The following MARCHF8 variants were observed in gnomAD, a reference collection of about 807,000 sequenced individuals.
MARCHF8 encodes membrane associated ring-CH-type finger 8.
A neutral mutation model predicts 51.6 loss-of-function variants in MARCHF8; 40 were observed. The ratio of observed to expected loss-of-function variants is 0.77; its 90% CI spans 0.60 to 1.01. MARCHF8 has a LOEUF of 1.01. Among genes scored for constraint, MARCHF8 ranks in the 50% least tolerant of loss-of-function variants. The pLI is 0.00. For synonymous variants in MARCHF8, 263 were observed against 280.3 expected (o/e 0.94, Z 0.62); for missense variants, 685 against 708.6 (o/e 0.97, Z 0.38).
At position 45,464,006 on chromosome 10, in the gene MARCHF8, G is replaced by C; in HGVS notation, c.243-10C>G. ...AAACACTGCACTGGAACTGCATGCA[G>C]AACAGTGGGATAAAAGCACAGAAAG... On this transcript the variant is annotated splice_polypyrimidine_tract_variant and intron_variant, in intron 4 of 7. Transcript: ENST00000453424. 6.6e-7 allele frequency: 1 copy of C among 1,523,102 alleles called. No individual in the cohort carries two copies. The highest frequency in any genetic ancestry group is 8.8e-7 in the Non-Finnish European group (1 of 1,141,542). 94.3% of individuals were successfully genotyped at this position (1,523,102 alleles called of 1,614,324 possible).
Position 45,457,954 on chromosome 10 carries a change from T to G in MARCHF8, c.*285A>C. The G allele has an allele frequency of 2.6e-6, 1 of 380,906 alleles. No individual in the cohort carries two copies. The highest frequency in any genetic ancestry group is 4.6e-6 in the Non-Finnish European group (1 of 215,108). 23.6% of individuals were successfully genotyped at this position (380,906 alleles called of 1,614,324 possible). A position where few individuals can be genotyped will look rare whatever the true frequency, so the allele number is the denominator to read the frequency against. On this transcript the variant is annotated 3_prime_UTR_variant, in exon 8 of 8. Coordinates refer to ENST00000453424, the MANE Select transcript of MARCHF8 (RefSeq NM_001282866.2). ...TTGGGATTGGCATTTTATTCTCTCA[T>G]TCAGCTCAAGACCATGGGCAGGAAC...
chr10:45,536,136 C>T (rs2043967386), upstream of MARCHF8, among the ~76,000 whole-genome samples: 1 of 152,116 alleles, frequency 6.6e-6, no homozygotes, highest in Non-Finnish European at 1.5e-5. Context: ...GGAGAGCTCA[C>T]ATTTCCAGAT....
At chr10:45,545,739 T>C (rs1294995728) in intron 1 of MARCHF8, among the ~76,000 whole-genome samples, 1 of 152,186 alleles carries the variant, frequency 6.6e-6, no homozygotes, top group East Asian at 1.9e-4. Flanking sequence ...TTATGGAAGC[T>C]TGCTATCCAA....
intron 1 of MARCHF8, among the ~76,000 whole-genome samples, chr10:45,569,754 AT>A (rs2133387486): frequency 6.6e-6 from 1 of 152,304 alleles, no homozygotes; most frequent in African/African-American, 2.4e-5. Context: ...TACAAATAAA[AT>A]TTGCAATTTT....
At chr10:45,589,431 C>G (rs2044653873) in intron 1 of MARCHF8, among the ~76,000 whole-genome samples, 1 of 152,118 alleles carries the variant, frequency 6.6e-6, no homozygotes, top group African/African-American at 2.4e-5. Context: ...CCACTAATAG[C>G]TTTTTTGCAG....
Position 45,458,582 on chromosome 10 carries a change from G to A in MARCHF8, c.1418-39C>T, listed in dbSNP as rs200138939. 1,111 of 1,522,232 alleles carry A rather than the reference G, an allele frequency of 7.3e-4. 1 individual carries two copies. Among genetic ancestry groups the A allele is most frequent in the Admixed American group, 1.1e-3 (50 of 44,176 alleles). The allele number at this position is 1,522,232 out of a possible 1,614,324, so 94.3% of individuals were successfully genotyped here. A position where few individuals can be genotyped will look rare whatever the true frequency, so the allele number is the denominator to read the frequency against. ...ACTCAGCCTATTAGATTTTATTTAA[G>A]ATATGAAGTAAAGAAAAACACAACT... On this transcript the variant is annotated intron_variant, in intron 7 of 7. Transcript: ENST00000453424.
intron 1 of MARCHF8, chr10:45,553,251 C>T (rs2044215386): frequency 6.6e-6 from 1 of 152,150 alleles, no homozygotes; most frequent in Admixed American, 6.5e-5. Flanking sequence ...ATTCTATGCT[C>T]TGACTGCTTC....
At chr10:45,505,995 T>C (rs956105738) in intron 2 of MARCHF8, among the ~76,000 whole-genome samples, 1 of 152,222 alleles carries the variant, frequency 6.6e-6, no homozygotes, top group African/African-American at 2.4e-5. Flanking sequence ...GAAAGGCTGT[T>C]GTCTTTCAAT....
At chr10:45,533,911 C>CGGTG (rs2043931351) in intron 1 of MARCHF8, among the ~76,000 whole-genome samples, 1 of 152,144 alleles carries the variant, frequency 6.6e-6, no homozygotes, top group African/African-American at 2.4e-5. Flanking sequence ...GGGCCGGGTG[C>CGGTG]GGTGGCTCAT....
At chr10:45,535,952 A>G (rs1347561880), upstream of MARCHF8, among the ~76,000 whole-genome samples, 1 of 152,204 alleles carries the variant, frequency 6.6e-6, no homozygotes, top group Non-Finnish European at 1.5e-5. Context: ...ATGGATCAGA[A>G]GATTTAATAT....
intron 1 of MARCHF8, among the ~76,000 whole-genome samples, chr10:45,544,913 T>C (rs2044101088): frequency 6.6e-6 from 1 of 152,178 alleles, no homozygotes; most frequent in African/African-American, 2.4e-5. Flanking sequence ...CATTTTGTAC[T>C]ACCCCTCTCT....
In MARCHF8 at chr10:45,457,511, A is replaced by G. The variant is rs2132897141; in HGVS notation, c.*728T>C. On this transcript the variant is annotated 3_prime_UTR_variant, in exon 8 of 8. Transcript: ENST00000453424. ...GAACAGAAAGAATGCCACGCTTCTT[A>G]GCATATGTAAGGCAAAATGGATTTT... The G allele has an allele frequency of 6.5e-6, 1 of 152,740 alleles. No homozygotes were observed. The highest frequency in any genetic ancestry group is 1.5e-5 in the Non-Finnish European group (1 of 68,026). The allele number at this position is 152,740 out of a possible 1,614,324, so 9.5% of individuals were successfully genotyped here.
intron 3 of MARCHF8, among the ~76,000 whole-genome samples, chr10:45,484,852 G>A (rs990205607): frequency 9.2e-5 from 14 of 152,126 alleles, no homozygotes; most frequent in African/African-American, 3.1e-4. Context: ...TGACCAAGGG[G>A]ATATTGCACA....
At chr10:45,518,136 T>G (rs1297577922) in intron 2 of MARCHF8, among the ~76,000 whole-genome samples, 1 of 152,198 alleles carries the variant, frequency 6.6e-6, no homozygotes, top group Non-Finnish European at 1.5e-5. Flanking sequence ...TGGTTGCTCT[T>G]GGTTGTCTGA....
chr10:45,564,157 T>A (rs2044339918), intron 1 of MARCHF8, among the ~76,000 whole-genome samples: 1 of 152,120 alleles, frequency 6.6e-6, no homozygotes, highest in Admixed American at 6.6e-5. Context: ...GCACCTGTAA[T>A]CCCAACTACT....
chr10:45,528,479 T>C (rs1303968244), intron 2 of MARCHF8, among the ~76,000 whole-genome samples: 1 of 152,196 alleles, frequency 6.6e-6, no homozygotes, highest in Non-Finnish European at 1.5e-5. Flanking sequence ...TGTTTGTTTT[T>C]GAAACGGTCT....
At chr10:45,577,627 T>A (rs1271141305) in intron 1 of MARCHF8, among the ~76,000 whole-genome samples, 2 of 151,472 alleles carry the variant, frequency 1.3e-5, no homozygotes, top group Admixed American at 6.6e-5. Flanking sequence ...CACCAGAGAA[T>A]GAATGCTGGT....
rs117071794 is a variant in MARCHF8 at position 45,542,543 on chromosome 10, T to C, written c.-78-9254A>G. ...GATGGGAGTATCTGATAATTTATAG[T>C]ATATGTAGCAGAGTACTGTAGCAGA... On this transcript the variant is annotated intron_variant, in intron 1 of 6. Transcript: ENST00000319836. Among the ~76,000 whole-genome samples the C allele has an allele frequency of 9.2e-5, 14 of 152,158 alleles. No homozygotes were observed. The East Asian group carries it at 2.1e-3, about 23-fold the overall frequency.
intron 2 of MARCHF8, among the ~76,000 whole-genome samples, chr10:45,514,978 C>A (rs544791435): frequency 6.6e-6 from 1 of 152,154 alleles, no homozygotes; most frequent in Admixed American, 6.5e-5. Context: ...TCCTGCAGAC[C>A]ATCATCACAG....
Sources: gnomAD v4.1 joint callset for allele counts (sites outside exome capture counted in the v4.1 genomes callset) on GRCh38, gnomAD v4.1.1 for gene constraint, MANE v1.5 for transcripts, NCBI Gene and HGNC (gene_info 2026-07-23, HGNC 2026-07-21) for gene names.